ANKRD18B: variants seen among roughly 807,000 people sequenced by gnomAD.
The protein encoded by ANKRD18B is ankyrin repeat domain-containing protein 18B.
In ANKRD18B, 75 loss-of-function variants were observed where a neutral mutation model predicts 111.8. The observed-to-expected ratio is 0.67, with a 90% CI of 0.56 to 0.81. The LOEUF is 0.81. Ranked by LOEUF, ANKRD18B falls within the 40% of genes least tolerant of loss-of-function variation. The pLI is 0.00. For missense variants in ANKRD18B, 1,038 were observed against 1,225.5 expected (o/e 0.85, Z 2.28); for synonymous variants, 356 against 417.3 (o/e 0.85, Z 1.79).
At chr9:33,570,765 G>A (rs1327408263) in intron 17 of ANKRD18B, among the ~76,000 whole-genome samples, 1 of 151,654 alleles carries the variant, frequency 6.6e-6, no homozygotes, top group Non-Finnish European at 1.5e-5. Context: ...AGCCTCCCGA[G>A]TAGCTGGGAC....
At chr9:33,567,357 T>C in intron 16 of ANKRD18B, 43 bp downstream of exon 16, 2 of 1,495,342 alleles carry the variant, frequency 1.3e-6, no homozygotes, top group Non-Finnish European at 1.8e-6. Context: ...TTAAACTCAT[T>C]AATTTGTTTT....
Position 33,528,885 on chromosome 9 carries a change from A to G in ANKRD18B, c.321+44A>G, listed in dbSNP as rs1563898200. 4 of 1,563,210 alleles carry G rather than the reference A, an allele frequency of 2.6e-6. 1 individual carries two copies. In the Admixed American group the frequency reaches 5.9e-5, roughly 23 times the overall value. On this transcript the variant is annotated intron_variant, in intron 2 of 18. Transcript: ENST00000684830. ...AGCATGAAATGGATTTGATTTAAAT[A>G]CATAGAATTAAAATGAATTTGTCTC...
chr9:33,556,526 T>C (rs557121378), intron 13 of ANKRD18B, among the ~76,000 whole-genome samples: 2 of 152,346 alleles, frequency 1.3e-5, no homozygotes, highest in South Asian at 2.1e-4. Context: ...CCTCCCAAAG[T>C]TGGCATGAGC....
downstream of ANKRD18B, among the ~76,000 whole-genome samples, chr9:33,573,713 C>A (rs1244208598): frequency 6.9e-6 from 1 of 144,470 alleles, no homozygotes; most frequent in Non-Finnish European, 1.6e-5. Flanking sequence ...GGTCTGTGGG[C>A]TGATGGCAGC....
rs556803618 is a variant in ANKRD18B at position 33,529,587 on chromosome 9, C to T, written c.495+414C>T. ...ACAAAATGGATGTATCTTTCATGGG[C>T]AAGGTTTAAGACGGAAAAATAGGAA... On this transcript the variant is annotated intron_variant, in intron 3 of 18. Coordinates refer to ENST00000684830, the MANE Select transcript of ANKRD18B (RefSeq NM_001393611.1). Among the ~76,000 whole-genome samples the T allele has an allele frequency of 2.0e-5, 3 of 152,174 alleles. No individual in the cohort carries two copies. In the South Asian group the frequency reaches 6.2e-4, roughly 32 times the overall value.
At chr9:33,554,338 A>G (rs1828491883) in intron 12 of ANKRD18B, among the ~76,000 whole-genome samples, 1 of 152,248 alleles carries the variant, frequency 6.6e-6, no homozygotes, top group Non-Finnish European at 1.5e-5. Flanking sequence ...TTCACTATCT[A>G]CAAAAGTAAT....
intron 14 of ANKRD18B, among the ~76,000 whole-genome samples, chr9:33,565,430 A>G (rs1320624318): frequency 6.6e-6 from 1 of 152,180 alleles, no homozygotes; most frequent in East Asian, 1.9e-4. Flanking sequence ...GTTTAGGGAA[A>G]GGCTTATGGC....
chr9:33,524,710 G>C lies in ANKRD18B; in HGVS notation c.206+15G>C, dbSNP rs1331621367. ...AGAAAAGACAGGTAGCGGGGGCTCA[G>C]CCCTCGGTGGGAGGGGGCCCCCAGG... On this transcript the variant is annotated intron_variant, in intron 1 of 18. Transcript: ENST00000684830. 1 of 1,546,284 alleles carries C rather than the reference G, an allele frequency of 6.5e-7. No homozygotes were observed. Among genetic ancestry groups the C allele is most frequent in the African/African-American group, 1.4e-5 (1 of 72,862 alleles).
chr9:33,554,527 G>A (rs1358710298), intron 12 of ANKRD18B, among the ~76,000 whole-genome samples: 2 of 152,200 alleles, frequency 1.3e-5, no homozygotes, highest in Admixed American at 6.5e-5. Context: ...TAGCAGCCAG[G>A]CATGGTGGCT....
Position 33,548,188 on chromosome 9 carries a change from C to T in ANKRD18B, c.1400C>T (p.Ala467Val). 1 of 1,548,828 alleles carries T rather than the reference C, an allele frequency of 6.5e-7. No homozygotes were observed. Among genetic ancestry groups the T allele is most frequent in the Non-Finnish European group, 8.7e-7 (1 of 1,146,112 alleles). ...TCGCAACAGCTTAATGATCTGAAAG[C>T]TGAGAATGCAAGGCTGAATTCAAAA... is the stretch of plus-strand genomic sequence containing the variant. ...QYSQQLNDLK[A>V]ENARLNSKLE... The change falls in exon 11 of 19, where the codon GCT becomes GTT. Residue 467 changes from alanine to valine, a missense_variant. Physicochemically the swap from Ala to Val is moderately conservative, Grantham distance 64. Around this residue, in one of 4 missense-constraint regions of ANKRD18B, gnomAD observed 205 missense variants for 201.3 expected, o/e 1.02. Coordinates refer to ENST00000684830, the MANE Select transcript of ANKRD18B (RefSeq NM_001393611.1).
intron 6 of ANKRD18B, 32 bp from the exon 7 acceptor site, chr9:33,539,417 A>G (rs1457023209): frequency 6.0e-6 from 1 of 165,340 alleles, no homozygotes; most frequent in Admixed American, 6.5e-5. Flanking sequence ...GTTTGGCAGA[A>G]ATAGTATCTA....
At position 33,534,507 on chromosome 9, in the gene ANKRD18B, G is replaced by A; in HGVS notation, c.740G>A (p.Ser247Asn). Residue 247 changes from serine to asparagine, a missense_variant and splice_region_variant, in exon 5 of 19, where the codon AGC (serine) becomes AAC (asparagine). Coordinates refer to ENST00000684830, the MANE Select transcript of ANKRD18B (RefSeq NM_001393611.1). ...EDYAFCCDLR[S>N]IQQQILEHKN... ...TATGCTTTTTGTTGTGATTTGAGAA[G>A]GTATGTGCTTATATTAAAAGACCGG... 6.5e-7 allele frequency: 1 copy of A among 1,529,276 alleles called. No homozygotes were observed. 94.7% of individuals were successfully genotyped at this position (1,529,276 alleles called of 1,614,324 possible).
chr9:33,558,912 A>T (rs1828566690), intron 14 of ANKRD18B, among the ~76,000 whole-genome samples: 1 of 152,130 alleles, frequency 6.6e-6, no homozygotes, highest in Admixed American at 6.6e-5. Context: ...TTTCCAGCAG[A>T]CAGAGTTGTA....
chr9:33,563,053 G>C (rs1197424264), intron 14 of ANKRD18B, among the ~76,000 whole-genome samples: 3 of 152,082 alleles, frequency 2.0e-5, no homozygotes, highest in Admixed American at 2.0e-4. Context: ...CATAATTGAA[G>C]GGGGTTTTAG....
rs534827049 is a variant in ANKRD18B at position 33,530,328 on chromosome 9, A to C, written c.495+1155A>C. Among the ~76,000 whole-genome samples, 9 of 152,268 alleles carry C rather than the reference A, an allele frequency of 5.9e-5. No homozygotes were observed. The South Asian group carries it at 8.3e-4, about 14-fold the overall frequency. On this transcript the variant is annotated intron_variant, in intron 3 of 18. Coordinates refer to ENST00000684830, the MANE Select transcript of ANKRD18B (RefSeq NM_001393611.1). The stretch of plus-strand genomic sequence containing the variant: ...TGGTTAAAAATATTTTCTTGAAGCC[A>C]TGCACAGTGGCATGTTCCTGTAGTC...
At chr9:33,544,083 A>C (rs960362538) in intron 10 of ANKRD18B, among the ~76,000 whole-genome samples, 14 of 152,138 alleles carry the variant, frequency 9.2e-5, no homozygotes, top group Admixed American at 3.9e-4. Context: ...GTAGGGGTTC[A>C]CTATTTAGGG....
chr9:33,550,392 G>A (rs1464986153), intron 11 of ANKRD18B, 38 bp from the exon 12 acceptor site: 1 of 1,506,654 alleles, frequency 6.6e-7, no homozygotes, highest in Non-Finnish European at 8.9e-7. Flanking sequence ...TTAATAATAA[G>A]GCACTTTATA....
intron 10 of ANKRD18B, among the ~76,000 whole-genome samples, chr9:33,547,135 G>A (rs945369205): frequency 2.6e-5 from 4 of 152,130 alleles, no homozygotes; most frequent in Non-Finnish European, 5.9e-5. Context: ...GCTATTTCAT[G>A]GAGAATCCAA....
intron 5 of ANKRD18B, among the ~76,000 whole-genome samples, chr9:33,535,683 G>A (rs1828187166): frequency 6.9e-6 from 1 of 144,388 alleles, no homozygotes; most frequent in Admixed American, 6.9e-5. Context: ...TATAATTATT[G>A]TATATTATAT....
Sources: allele counts gnomAD v4.1 joint callset (sites outside exome capture counted in the v4.1 genomes callset), GRCh38; gene constraint gnomAD v4.1.1; regional missense constraint gnomAD v4.1.1; transcripts MANE v1.5; gene names NCBI Gene and HGNC (gene_info 2026-07-23, HGNC 2026-07-21).